The following BCL6 variants were observed in gnomAD, a reference collection of about 807,000 sequenced individuals.
BCL6 encodes the protein BCL6 transcription repressor.
BCL6 carries 7 observed loss-of-function variants against 59.5 expected under a neutral mutation model. The observed-to-expected ratio is 0.12, with a 90% CI of 0.07 to 0.22. BCL6 has a LOEUF of 0.22. Ranked by LOEUF, BCL6 falls within the 10% of genes least tolerant of loss-of-function variation. BCL6 has a pLI of 1.00. For synonymous variants in BCL6, 339 were observed against 349.7 expected, an observed-to-expected ratio of 0.97 and a Z score of 0.34; for missense variants, 685 against 939.4, an observed-to-expected ratio of 0.73 and a Z score of 3.54.
rs988570451 is a variant in BCL6, at chr3:187,729,461, T to C, written c.944A>G (p.His315Arg). The C allele has an allele frequency of 5.0e-6, 8 of 1,610,432 alleles. No individual in the cohort carries two copies. The highest frequency in any genetic ancestry group is 6.8e-6 in the Non-Finnish European group (8 of 1,177,836). ...RPSSEDEIAL[H>R]FEPPNAPLNR... is the part of the protein sequence containing the mutation. ...CAGGGGTGCATTGGGGGGCTCGAAA[T>C]GCAGGGCAATCTCATCTTCCGAGGA... Residue 315 changes from histidine to arginine, a missense_variant, in exon 5 of 10, where the codon CAT becomes CGT. This residue lies in a region of BCL6 where 268 missense variants were observed against 263.8 expected (regional missense o/e 1.02). Coordinates refer to ENST00000406870, the MANE Select transcript of BCL6 (RefSeq NM_001706.5). The surrounding 1 kb of genome is among the most constrained non-coding windows in gnomAD (Gnocchi z 5.6).
chr3:187,735,393 T>C (rs1163276201), intron 1 of BCL6, among the ~76,000 whole-genome samples: 1 of 152,228 alleles, frequency 6.6e-6, no homozygotes, highest in Non-Finnish European at 1.5e-5. Flanking sequence ...TATCCTTATT[T>C]CACTGGCGAT....
intron 1 of BCL6, among the ~76,000 whole-genome samples, chr3:187,744,739 A>G (rs574490191): frequency 2.0e-5 from 3 of 152,172 alleles, no homozygotes; most frequent in Admixed American, 1.3e-4. Flanking sequence ...GTTACCCAGA[A>G]GGACAGGGGA....
At position 187,726,740 on chromosome 3, in the gene BCL6, C is replaced by T. The variant is rs1438511659; in HGVS notation, c.1699G>A (p.Val567Ile). ...TGGGGCAGGGCCATACCGGTATGGA[C>T]GGTCTTGTGGCTGGCGAGGTTGCCC... Reference protein sequence around the residue: ...YKGNLASHKTVHTGEKPYRCN... With the variant: ...YKGNLASHKTIHTGEKPYRCN... Residue 567 changes from valine (V) to isoleucine (I), a missense_variant, in exon 7 of 10, where the codon GTC becomes ATC. Transcript: ENST00000406870. 7 of 1,613,626 alleles carry T rather than the reference C, an allele frequency of 4.3e-6. No individual in the cohort carries two copies. The highest frequency in any genetic ancestry group is 5.9e-6 in the Non-Finnish European group (7 of 1,179,902).
intron 1 of BCL6, among the ~76,000 whole-genome samples, chr3:187,745,189 T>C (rs1711879728): frequency 2.0e-5 from 3 of 152,274 alleles, no homozygotes; most frequent in African/African-American, 7.2e-5. Flanking sequence ...ATCTTCGGCA[T>C]TTATTTTAAC....
intron 1 of BCL6, among the ~76,000 whole-genome samples, chr3:187,740,410 C>A (rs1184585368): frequency 6.6e-6 from 1 of 152,052 alleles, no homozygotes; most frequent in African/African-American, 2.4e-5. Flanking sequence ...CTGGGCTTTT[C>A]GTGTCATTAC....
Position 187,729,779 on chromosome 3 carries a change from G to T in BCL6, c.626C>A (p.Ser209Tyr), listed in dbSNP as rs1718937742. 1 of 1,614,192 alleles carries T rather than the reference G, an allele frequency of 6.2e-7. No homozygotes were observed. Among genetic ancestry groups the T allele is most frequent in the Admixed American group, 1.7e-5 (1 of 60,026 alleles). ...SHLPVSSLLF[S>Y]DEEFRDVRMP... Reference sequence around the variant, plus strand: ...CCGGACATCCCGAAACTCCTCATCGGAGAAGAGGAGGCTGCTGACAGGGAG... The same window carrying T: ...CCGGACATCCCGAAACTCCTCATCGTAGAAGAGGAGGCTGCTGACAGGGAG... The change falls in exon 5 of 10, where the codon TCC (serine) becomes TAC (tyrosine). Residue 209 changes from serine (S) to tyrosine (Y), a missense_variant. Physicochemically the swap from Ser to Tyr is moderately radical, Grantham distance 144. Transcript: ENST00000406870. The surrounding 1 kb of genome is among the most constrained non-coding windows in gnomAD (Gnocchi z 5.6).
chr3:187,744,522 G>A (rs1265579376), intron 1 of BCL6, among the ~76,000 whole-genome samples: 1 of 152,152 alleles, frequency 6.6e-6, no homozygotes, highest in Non-Finnish European at 1.5e-5. Context: ...GGAAGATCAC[G>A]GCTCTGAAAG....
intron 1 of BCL6, among the ~76,000 whole-genome samples, chr3:187,744,323 C>G (rs556682784): frequency 6.6e-6 from 1 of 151,750 alleles, no homozygotes; most frequent in African/African-American, 2.4e-5. Flanking sequence ...CACCCCTTTC[C>G]CACCCACCCC....
At position 187,729,932 on chromosome 3, in the gene BCL6, C is replaced by G. The variant is rs372638471; in HGVS notation, c.473G>C (p.Arg158Pro). The stretch of plus-strand genomic sequence containing the variant: ...GTTGTTCTCCACCACCTCACGACCC[C>G]GATAGGCCATGATGTCTTGGGGCAT... The part of the protein sequence containing the change: ...MLMPQDIMAY[R>P]GREVVENNLP... The change falls in exon 5 of 10, where the codon CGG (arginine) becomes CCG (proline). Residue 158 changes from arginine (R) to proline (P), a missense_variant. By Grantham distance (103) the Arg-to-Pro change is moderately radical (BLOSUM62 -2). Coordinates refer to ENST00000406870, the MANE Select transcript of BCL6 (RefSeq NM_001706.5). The surrounding 1 kb of genome is among the most constrained non-coding windows in gnomAD (Gnocchi z 5.6). The G allele has an allele frequency of 6.2e-7, 1 of 1,613,890 alleles. No individual in the cohort carries two copies. Among genetic ancestry groups the G allele is most frequent in the Admixed American group, 1.7e-5 (1 of 60,002 alleles).
At chr3:187,738,882 G>T (rs1442508230) in intron 1 of BCL6, among the ~76,000 whole-genome samples, 1 of 152,206 alleles carries the variant, frequency 6.6e-6, no homozygotes, top group Non-Finnish European at 1.5e-5. Flanking sequence ...ATTTAATAAG[G>T]GGTAGGGATG....
intron 1 of BCL6, chr3:187,736,260 A>G (rs1175374240): frequency 1.3e-5 from 2 of 152,250 alleles, no homozygotes; most frequent in Admixed American, 1.3e-4. Flanking sequence ...GAAGACAGAA[A>G]AAGACAAAAG....
At chr3:187,744,356 G>C (rs540211833) in intron 1 of BCL6, among the ~76,000 whole-genome samples, 3 of 144,156 alleles carry the variant, frequency 2.1e-5, no homozygotes, top group South Asian at 2.5e-4. Flanking sequence ...CCCGCCATCA[G>C]TCTCTCTCCT....
At chr3:187,723,366 A>G (rs1249519337) in intron 9 of BCL6, among the ~76,000 whole-genome samples, 1 of 152,232 alleles carries the variant, frequency 6.6e-6, no homozygotes, top group Non-Finnish European at 1.5e-5. Context: ...GGTAATCTAG[A>G]TGAGATCTTG....
At chr3:187,724,909 G>A in intron 9 of BCL6, 32 bp downstream of exon 9, 1 of 1,588,270 alleles carries the variant, frequency 6.3e-7, no homozygotes, top group Non-Finnish European at 8.6e-7. Context: ...CATCCCCGCA[G>A]GTCAGAGAGC....
intron 1 of BCL6, among the ~76,000 whole-genome samples, chr3:187,743,751 C>T (rs1297175079): frequency 1.5e-4 from 23 of 151,180 alleles, no homozygotes; most frequent in African/African-American, 5.1e-4. Context: ...CCCGCCCGCC[C>T]CCGGAGCTCA....
At chr3:187,744,045 G>T (rs537059804) in intron 1 of BCL6, among the ~76,000 whole-genome samples, 2 of 152,224 alleles carry the variant, frequency 1.3e-5, no homozygotes, top group South Asian at 2.1e-4. Flanking sequence ...CTCGCCCAAG[G>T]TAAGGACCTC....
chr3:187,744,607 G>A (rs1389791087), intron 1 of BCL6, among the ~76,000 whole-genome samples: 1 of 152,136 alleles, frequency 6.6e-6, no homozygotes, highest in African/African-American at 2.4e-5. Flanking sequence ...CAAAGAGTTC[G>A]CTTGCATTTT....
intron 1 of BCL6, among the ~76,000 whole-genome samples, chr3:187,744,972 T>C (rs564086880): frequency 2.0e-5 from 3 of 151,802 alleles, no homozygotes; most frequent in African/African-American, 2.4e-5. Flanking sequence ...CTAGCCCGAA[T>C]CACCCCCCAA....
At chr3:187,728,327 C>T in intron 6 of BCL6, 33 bp downstream of exon 6, 1 of 1,539,602 alleles carries the variant, frequency 6.5e-7, no homozygotes, top group Non-Finnish European at 8.8e-7. Context: ...CCTTCCTTCT[C>T]CCTGACAAGA....
Sources: allele counts gnomAD v4.1 joint callset (sites outside exome capture counted in the v4.1 genomes callset), GRCh38; gene constraint gnomAD v4.1.1; regional missense constraint gnomAD v4.1.1; non-coding constraint Gnocchi (gnomAD v3.1); transcripts MANE v1.5; gene names NCBI Gene and HGNC (gene_info 2026-07-23, HGNC 2026-07-21).